The following AGBL1 variants were observed in gnomAD, a reference collection of about 807,000 sequenced individuals.
The protein encoded by AGBL1 is AGBL carboxypeptidase 1.
A neutral mutation model predicts 118.9 loss-of-function variants in AGBL1; 130 were observed. The ratio of observed to expected loss-of-function variants is 1.09; its 90% confidence interval spans 0.95 to 1.26. The LOEUF (loss-of-function observed/expected upper bound fraction) is 1.26. Among genes scored for constraint, AGBL1 ranks in the 50% most tolerant of loss-of-function variants. The pLI is 0.00. For missense variants in AGBL1, 1,584 were observed against 1,298.1 expected, an observed-to-expected ratio of 1.22 and a Z score of -3.38; for synonymous variants, 555 against 478.9, an observed-to-expected ratio of 1.16 and a Z score of -2.08.
At chr15:86,338,216 G>C (rs1420455509) in intron 17 of AGBL1, among the ~76,000 whole-genome samples, 1 of 152,182 alleles carries the variant, frequency 6.6e-6, no homozygotes, top group Non-Finnish European at 1.5e-5. Flanking sequence ...ACTCTTCTTG[G>C]CAAAGAAAAT....
At chr15:86,526,830 A>G (rs555948901) in intron 19 of AGBL1, among the ~76,000 whole-genome samples, 1 of 152,112 alleles carries the variant, frequency 6.6e-6, no homozygotes, top group South Asian at 2.1e-4. Flanking sequence ...AGACTGGTAT[A>G]ATGGACACTT....
intron 24 of AGBL1, among the ~76,000 whole-genome samples, chr15:86,988,594 A>T (rs1268370682): frequency 6.6e-6 from 1 of 152,198 alleles, no homozygotes; most frequent in South Asian, 2.1e-4. Flanking sequence ...ATGCTATTAC[A>T]TAAGGATTTA....
chr15:86,950,834 T>A (rs1475340676), intron 23 of AGBL1, among the ~76,000 whole-genome samples: 1 of 152,062 alleles, frequency 6.6e-6, no homozygotes, highest in Non-Finnish European at 1.5e-5. Flanking sequence ...CTCAACATCA[T>A]TAATCATCAG....
At chr15:86,917,787 AGAG>A (rs200385297), downstream of AGBL1, among the ~76,000 whole-genome samples, 70 of 127,652 alleles carry the variant, frequency 5.5e-4, no homozygotes, top group South Asian at 1.4e-3. This position sits in a 1 kb window ranked among gnomAD's most constrained non-coding sequence, Gnocchi z 4.8. Context: ...AAGGAGAGAG[AGAG>A]AAGAGAGAGG....
chr15:86,194,126 T>C (rs941301146), intron 5 of AGBL1, among the ~76,000 whole-genome samples: 1 of 152,252 alleles, frequency 6.6e-6, no homozygotes, highest in Non-Finnish European at 1.5e-5. Context: ...TTTGTTCTCG[T>C]TCTGCTCTGG....
chr15:86,431,947 C>G, intron 18 of AGBL1, among the ~76,000 whole-genome samples: 1 of 152,264 alleles, frequency 6.6e-6, no homozygotes, highest in South Asian at 2.1e-4. Flanking sequence ...ATTGGCAACA[C>G]GATAGCTCTG....
At chr15:86,685,062 A>C (rs2086029648) in intron 22 of AGBL1, among the ~76,000 whole-genome samples, 1 of 152,204 alleles carries the variant, frequency 6.6e-6, no homozygotes, top group Non-Finnish European at 1.5e-5. Flanking sequence ...GTATGTTTAG[A>C]AGTAGATATC....
intron 18 of AGBL1, among the ~76,000 whole-genome samples, chr15:86,405,146 A>G (rs1008363481): frequency 9.9e-5 from 15 of 152,168 alleles, no homozygotes; most frequent in Non-Finnish European, 1.2e-4. Flanking sequence ...ATCTTTTGCT[A>G]TATAATTGAC....
intron 21 of AGBL1, among the ~76,000 whole-genome samples, chr15:86,664,019 A>G (rs1488879486): frequency 6.6e-6 from 1 of 152,052 alleles, no homozygotes; most frequent in Non-Finnish European, 1.5e-5. Flanking sequence ...TTTCACCAAT[A>G]AAAGACCCAA....
intron 20 of AGBL1, among the ~76,000 whole-genome samples, chr15:86,554,061 T>G (rs2142269474): frequency 6.6e-6 from 1 of 152,184 alleles, no homozygotes; most frequent in Non-Finnish European, 1.5e-5. Context: ...GGTTTCACCA[T>G]GACGGCTAGG....
rs76628044 is a variant in AGBL1, at chr15:86,857,520, C to A, written c.3159-49567C>A. 2.6e-3 allele frequency among the ~76,000 whole-genome samples: 396 copies of A among 152,336 alleles called. 4 individuals are homozygous for A. The highest frequency in any genetic ancestry group is 8.9e-3 in the African/African-American group (371 of 41,572). On this transcript the variant is annotated intron_variant, in intron 22 of 22. Transcript: ENST00000614907. ...CCTCTGCATAGAATGCTCTTCACTTCGCCCCACCTGCCTCTACCTGGCTAA... is the reference window on the plus strand; with the variant it reads ...CCTCTGCATAGAATGCTCTTCACTTAGCCCCACCTGCCTCTACCTGGCTAA...
chr15:86,157,858 G>C (rs117139720), intron 4 of AGBL1, among the ~76,000 whole-genome samples: 1,874 of 152,196 alleles, frequency 0.012, 21 homozygotes, highest in East Asian at 0.051. Flanking sequence ...CTCTAACCTC[G>C]GACAGGCATC....
chr15:86,495,607 C>T (rs566758754), intron 18 of AGBL1, among the ~76,000 whole-genome samples: 1 of 151,910 alleles, frequency 6.6e-6, no homozygotes, highest in Admixed American at 6.6e-5. Flanking sequence ...GAACGCTGTT[C>T]TTATAACTTT....
intron 21 of AGBL1, among the ~76,000 whole-genome samples, chr15:86,647,562 G>A (rs1466573490): frequency 6.6e-6 from 1 of 152,098 alleles, no homozygotes; most frequent in Non-Finnish European, 1.5e-5. Context: ...TTAGCCAAAT[G>A]TGGTGGTGCA....
intron 18 of AGBL1, among the ~76,000 whole-genome samples, chr15:86,517,912 T>G (rs1298741309): frequency 1.3e-5 from 2 of 152,186 alleles, no homozygotes; most frequent in Non-Finnish European, 2.9e-5. Context: ...ATGCATCTCT[T>G]TGCCTTCATA....
intron 1 of AGBL1, among the ~76,000 whole-genome samples, chr15:86,084,536 T>A (rs1006650786): frequency 2.6e-5 from 4 of 152,282 alleles, no homozygotes; most frequent in Admixed American, 2.6e-4. Context: ...GTGAGGCAGG[T>A]TTTGTTCCCC....
chr15:86,477,892 G>A (rs942282635), intron 18 of AGBL1, among the ~76,000 whole-genome samples: 1 of 152,152 alleles, frequency 6.6e-6, no homozygotes, highest in Non-Finnish European at 1.5e-5. Context: ...CCATGATCAA[G>A]TGGGCTTCAT....
chr15:86,658,415 G>T (rs1259082083), intron 21 of AGBL1, among the ~76,000 whole-genome samples: 1 of 152,170 alleles, frequency 6.6e-6, no homozygotes, highest in Non-Finnish European at 1.5e-5. Flanking sequence ...GAATAGAAAT[G>T]AACTCTATTG....
intron 23 of AGBL1, among the ~76,000 whole-genome samples, chr15:86,967,086 A>G (rs889913310): frequency 3.3e-5 from 5 of 152,112 alleles, no homozygotes; most frequent in South Asian, 2.1e-4. Flanking sequence ...GTGATGATGA[A>G]CATTTTTTCA....
Sources: gnomAD v4.1 joint callset for allele counts (sites outside exome capture counted in the v4.1 genomes callset) on GRCh38, gnomAD v4.1.1 for gene constraint, Gnocchi (gnomAD v3.1) non-coding constraint, MANE v1.5 for transcripts, NCBI Gene and HGNC (gene_info 2026-07-23, HGNC 2026-07-21) for gene names.